The following DNAH11 variants were observed in gnomAD, a reference collection of about 807,000 sequenced individuals.
DNAH11 encodes dynein axonemal heavy chain 11.
In DNAH11, 442 loss-of-function variants were observed where a neutral mutation model predicts 526.0. That is an observed-to-expected ratio of 0.84 (90% CI 0.78 to 0.91). The LOEUF is 0.91. Among genes scored for constraint, DNAH11 ranks in the 40% least tolerant of loss-of-function variants. The pLI, the probability that DNAH11 is intolerant of heterozygous loss-of-function variation, is 0.00. For missense variants in DNAH11, 6,989 were observed against 5,448.7 expected (o/e 1.28, Z -8.90); for synonymous variants, 2,461 against 1,935.9 (o/e 1.27, Z -7.12).
Position 21,739,643 on chromosome 7 carries a change from G to C in DNAH11, c.7884G>C (p.Val2628=). 2 of 1,612,690 alleles carry C rather than the reference G, an allele frequency of 1.2e-6. No individual in the cohort carries two copies. The highest frequency in any genetic ancestry group is 1.7e-6 in the Non-Finnish European group (2 of 1,179,392). The change falls in exon 48 of 82, where the codon GTG becomes GTC. Residue 2628 remains valine (V), a synonymous_variant. Transcript: ENST00000409508. ...CQYVACMNPM[V]GSFTINPRLQ... ...ATGTCGCCTGCATGAATCCGATGGT[G>C]GGCAGCTTCACCATCAATCCCAGGC...
chr7:21,563,935 A>G (rs1158626193), intron 5 of DNAH11, among the ~76,000 whole-genome samples: 1 of 152,100 alleles, frequency 6.6e-6, no homozygotes, highest in African/African-American at 2.4e-5. Flanking sequence ...TGGGTTTTCC[A>G]TCACAATTTA....
In DNAH11 at chr7:21,779,172, C is replaced by A. The variant is rs115443693; in HGVS notation, c.9483+68C>A. The A allele has an allele frequency of 8.5e-4, 1,285 of 1,512,218 alleles. 12 individuals are homozygous for A. In the African/African-American group the frequency reaches 0.016, roughly 19 times the overall value. The allele number at this position is 1,512,218 out of a possible 1,614,324, so 93.7% of individuals were successfully genotyped here. ...CACAAAATAAACCTTGGTAGGTGAA[C>A]AATTTTGAACAACTTCCTCTCCAGG... On this transcript the variant is annotated intron_variant, in intron 57 of 81. Transcript: ENST00000409508.
chr7:21,843,128 G>C (rs148587413), intron 66 of DNAH11, among the ~76,000 whole-genome samples: 183 of 152,322 alleles, frequency 1.2e-3, no homozygotes, highest in Non-Finnish European at 2.3e-3. Flanking sequence ...CTGGTAGCTA[G>C]TTGTGACTAG....
Position 21,842,756 on chromosome 7 carries a change from T to G in DNAH11, c.10896+8T>G. On this transcript the variant is annotated splice_region_variant and intron_variant, in intron 66 of 81. Coordinates refer to ENST00000409508, the MANE Select transcript of DNAH11 (RefSeq NM_001277115.2). The stretch of plus-strand genomic sequence containing the variant: ...GATTTGGAGAAACTTAAGGTAAAAA[T>G]GTTTACGTCACCACCAACACTTAGT... The G allele has an allele frequency of 6.3e-7, 1 of 1,597,484 alleles. No homozygotes were observed. The highest frequency in any genetic ancestry group is 1.1e-5 in the South Asian group (1 of 88,554).
At chr7:21,710,424 A>C in intron 40 of DNAH11, 129 bp from the exon 41 acceptor site, 2 of 674,118 alleles carry the variant, frequency 3.0e-6, no homozygotes, top group Non-Finnish European at 4.8e-6. Flanking sequence ...GTGGCTGAAA[A>C]GGTGTTACAC....
In DNAH11 at chr7:21,786,747, G is replaced by A. The variant is rs555878569; in HGVS notation, c.9721G>A (p.Ala3241Thr). 11 of 1,613,784 alleles carry A rather than the reference G, an allele frequency of 6.8e-6. No homozygotes were observed. The East Asian group carries it at 2.2e-4, about 33-fold the overall frequency. The stretch of plus-strand genomic sequence containing the variant: ...GCCCAAAGACCGAAGTTGGAAAGCA[G>A]CTAAAGTCTTCATGGGAAAGGTATC... Reference protein sequence around the residue: ...RVPKDRSWKAAKVFMGKVDDF... With the variant: ...RVPKDRSWKATKVFMGKVDDF... The change falls in exon 59 of 82, where the codon GCT (alanine) becomes ACT (threonine). Residue 3241 changes from alanine (A) to threonine (T), a missense_variant. Transcript: ENST00000409508.
At position 21,688,479 on chromosome 7, in the gene DNAH11, A is replaced by T. The variant is rs559891191; in HGVS notation, c.5924+952A>T. On this transcript the variant is annotated intron_variant, in intron 34 of 81. Transcript: ENST00000409508. ...TTTTCTCCCCTTGTTGATTTCAACTAGTCCCAGGGCTTTAAAAAAACTCTC... is the reference window on the plus strand; with the variant it reads ...TTTTCTCCCCTTGTTGATTTCAACTTGTCCCAGGGCTTTAAAAAAACTCTC... Among the ~76,000 whole-genome samples the T allele has an allele frequency of 7.2e-5, 11 of 152,308 alleles. No individual in the cohort carries two copies. In the East Asian group the frequency reaches 2.1e-3, roughly 29 times the overall value.
chr7:21,827,152 C>A (rs1341070042), intron 65 of DNAH11, among the ~76,000 whole-genome samples: 1 of 152,202 alleles, frequency 6.6e-6, no homozygotes, highest in East Asian at 1.9e-4. Context: ...ACCTGGCCCA[C>A]ACAGTAGATA....
chr7:21,828,429 T>C (rs1017675337), intron 65 of DNAH11, among the ~76,000 whole-genome samples: 1 of 152,218 alleles, frequency 6.6e-6, no homozygotes, highest in African/African-American at 2.4e-5. Flanking sequence ...TGCAACAGCT[T>C]TTCTATTCCT....
Position 21,599,816 on chromosome 7 carries a change from C to G in DNAH11, c.2697C>G (p.Pro899=). The change falls in exon 15 of 82, where the codon CCC becomes CCG. Residue 899 remains proline (P), a synonymous_variant. Coordinates refer to ENST00000409508, the MANE Select transcript of DNAH11 (RefSeq NM_001277115.2). The part of the protein sequence containing the change: ...EENRKLFKAN[P]SLDTWKIYVE... ...ATAGGAAGCTCTTCAAAGCCAATCCCTCTCTGGATACCTGGAAAATTTATG... is the reference window on the plus strand; with the variant it reads ...ATAGGAAGCTCTTCAAAGCCAATCCGTCTCTGGATACCTGGAAAATTTATG... 1 of 1,587,606 alleles carries G rather than the reference C, an allele frequency of 6.3e-7. No homozygotes were observed. The highest frequency in any genetic ancestry group is 8.6e-7 in the Non-Finnish European group (1 of 1,163,818).
rs1466356868 is a variant in DNAH11, at chr7:21,601,439, C to A, written c.3469C>A (p.Leu1157Ile). 1.9e-6 allele frequency: 3 copies of A among 1,613,468 alleles called. No homozygotes were observed. The highest frequency in any genetic ancestry group is 2.7e-5 in the African/African-American group (2 of 74,902). The change falls in exon 18 of 82, where the codon CTT becomes ATT. Residue 1157 changes from leucine to isoleucine, a missense_variant. By Grantham distance (5) the Leu-to-Ile change is conservative. Coordinates refer to ENST00000409508, the MANE Select transcript of DNAH11 (RefSeq NM_001277115.2). ...ATTTATAAAGGAGACAGATTCCGGA[C>A]TTCAGAGAGAATTAAATGAAGGTGA... ...QEFIKETDSG[L>I]QRELNEGDHD...
chr7:21,689,564 A>G lies in DNAH11; in HGVS notation c.5925-1201A>G, dbSNP rs560702414. Among the ~76,000 whole-genome samples, 4 of 152,324 alleles carry G rather than the reference A, an allele frequency of 2.6e-5. No homozygotes were observed. In the South Asian group the frequency reaches 6.2e-4, roughly 24 times the overall value. ...ACTGTGGCTGTCCCTCCTGTGTACA[A>G]TGGGAGAAGAGGCAGTTATTCTGTG... On this transcript the variant is annotated intron_variant, in intron 34 of 81. Coordinates refer to ENST00000409508, the MANE Select transcript of DNAH11 (RefSeq NM_001277115.2).
At chr7:21,653,326 T>A (rs1215070140) in intron 28 of DNAH11, among the ~76,000 whole-genome samples, 3 of 152,154 alleles carry the variant, frequency 2.0e-5, no homozygotes, top group Non-Finnish European at 4.4e-5. Context: ...GTTAAAAAAA[T>A]AGTCTTGTTC....
intron 26 of DNAH11, among the ~76,000 whole-genome samples, chr7:21,636,962 A>G (rs1459618148): frequency 6.6e-6 from 1 of 152,188 alleles, no homozygotes; most frequent in Non-Finnish European, 1.5e-5. Context: ...GGCATGGTGC[A>G]TGTAATGATA....
chr7:21,617,535 GA>G lies in DNAH11; in HGVS notation c.4096-81del, dbSNP rs527722131. The G allele has an allele frequency of 9.4e-4, 1,385 of 1,475,358 alleles. 4 individuals carry two copies. Among genetic ancestry groups the G allele is most frequent in the Non-Finnish European group, 1.2e-3 (1,307 of 1,083,638 alleles). The allele number at this position is 1,475,358 out of a possible 1,614,324, so 91.4% of individuals were successfully genotyped here. A position where few individuals can be genotyped will look rare whatever the true frequency, so the allele number is the denominator to read the frequency against. ...CACTCTTTTCTAATCCAGGAGTTGG[GA>G]AATATATGTCAAAGGAGGCAAATTA... On this transcript the variant is annotated intron_variant, in intron 22 of 81. Coordinates refer to ENST00000409508, the MANE Select transcript of DNAH11 (RefSeq NM_001277115.2).
At chr7:21,743,621 GCTT>G (rs942642729) in intron 49 of DNAH11, among the ~76,000 whole-genome samples, 7 of 152,324 alleles carry the variant, frequency 4.6e-5, no homozygotes, top group African/African-American at 1.4e-4. Flanking sequence ...TTAGGCAGTA[GCTT>G]CTTATGAACA....
In DNAH11 at chr7:21,899,543, T is replaced by C. The variant is rs369391404; in HGVS notation, c.13162+95T>C. The C allele has an allele frequency of 1.3e-4, 127 of 942,730 alleles. 1 individual carries two copies. In the South Asian group the frequency reaches 1.4e-3, roughly 11 times the overall value. 58.4% of individuals were successfully genotyped at this position (942,730 alleles called of 1,614,324 possible). A position where few individuals can be genotyped will look rare whatever the true frequency, so the allele number is the denominator to read the frequency against. On this transcript the variant is annotated intron_variant, in intron 80 of 81. Coordinates refer to ENST00000409508, the MANE Select transcript of DNAH11 (RefSeq NM_001277115.2). ...TACCTATGATGGCGTCTCCTTGCCC[T>C]GCTCACCAATCCTCAAGCAGCAGCC...
intron 38 of DNAH11, 35 bp downstream of exon 38, chr7:21,704,663 GGGATTGTCAGT>G: frequency 1.9e-6 from 3 of 1,574,208 alleles, no homozygotes; most frequent in Non-Finnish European, 2.6e-6. Flanking sequence ...GGCAGCTGTT[GGGATTGTCAGT>G]GGAAATAATT....
At position 21,789,271 on chromosome 7, in the gene DNAH11, G is replaced by A. The variant is rs199770001; in HGVS notation, c.9955G>A (p.Ala3319Thr). 84 of 1,576,512 alleles carry A rather than the reference G, an allele frequency of 5.3e-5. No individual in the cohort carries two copies. The highest frequency in any genetic ancestry group is 6.8e-5 in the Non-Finnish European group (79 of 1,160,614). The stretch of plus-strand genomic sequence containing the variant: ...CTGTGATGTGGAGCCAAAACGCCAA[G>A]CATTAGCCCAAGCAAACTTAGAACT... ...VYCDVEPKRQ[A>T]LAQANLELAA... Residue 3319 changes from alanine to threonine, a missense_variant, in exon 61 of 82, where the codon GCA becomes ACA. Transcript: ENST00000409508.
Sources: allele counts gnomAD v4.1 joint callset (sites outside exome capture counted in the v4.1 genomes callset), GRCh38; gene constraint gnomAD v4.1.1; transcripts MANE v1.5; gene names NCBI Gene and HGNC (gene_info 2026-07-23, HGNC 2026-07-21).